The following DNAH17 variants were observed in gnomAD, a reference collection of about 807,000 sequenced individuals.
The protein encoded by DNAH17 is dynein axonemal heavy chain 17, also known as axonemal beta dynein heavy chain 17.
DNAH17 carries 376 observed loss-of-function variants against 485.6 expected under a neutral mutation model. The ratio of observed to expected loss-of-function variants is 0.77; its 90% CI spans 0.71 to 0.84. The LOEUF is 0.84. Among genes scored for constraint, DNAH17 ranks in the 40% least tolerant of loss-of-function variants. The pLI is 0.00. For synonymous variants in DNAH17, 3,031 were observed against 2,405.9 expected (o/e 1.26, Z -7.60); for missense variants, 6,370 against 5,839.3 (o/e 1.09, Z -2.96).
At chr17:78,509,255 C>T (rs866386588) in intron 27 of DNAH17, among the ~76,000 whole-genome samples, 11 of 151,208 alleles carry the variant, frequency 7.3e-5, no homozygotes, top group Middle Eastern at 6.8e-3. Context: ...CGTGAGCCAC[C>T]GTGCCCGGTC....
chr17:78,570,694 C>T (rs546414081), intron 6 of DNAH17, among the ~76,000 whole-genome samples: 39 of 151,646 alleles, frequency 2.6e-4, no homozygotes, highest in Non-Finnish European at 4.9e-4. Flanking sequence ...CCCATCTCTA[C>T]TAAAAATACA....
chr17:78,570,347 A>C lies in DNAH17; in HGVS notation c.944T>G (p.Leu315Arg), dbSNP rs1386284023. 1 of 1,610,672 alleles carries C rather than the reference A, an allele frequency of 6.2e-7. No homozygotes were observed. The part of the protein sequence containing the change: ...TMLPTFIAKV[L>R]DTICFIWATS... ...GGCCCAGATGAAGCAGATGGTGTCC[A>C]GCACCTTGGCAATGAAGGTGGGGAG... The change falls in exon 7 of 81, where the codon CTG becomes CGG. Residue 315 changes from leucine (L) to arginine (R), a missense_variant. Physicochemically the swap from Leu to Arg is moderately radical, Grantham distance 102. Transcript: ENST00000389840.
intron 24 of DNAH17, among the ~76,000 whole-genome samples, chr17:78,525,544 G>A (rs909557779): frequency 6.6e-6 from 1 of 152,240 alleles, no homozygotes; most frequent in African/African-American, 2.4e-5. Flanking sequence ...GATAAGCAAA[G>A]AGGAAAAATC....
At chr17:78,460,555 G>A (rs1568085179) in intron 58 of DNAH17, among the ~76,000 whole-genome samples, 1 of 152,230 alleles carries the variant, frequency 6.6e-6, no homozygotes, top group African/African-American at 2.4e-5. Context: ...TGCTGAATGT[G>A]CTCCTTTGCC....
chr17:78,478,009 C>CATT (rs1180244327), intron 51 of DNAH17, among the ~76,000 whole-genome samples: 2,035 of 133,954 alleles, frequency 0.015, 122 homozygotes, highest in African/African-American at 0.065. Context: ...CCATCATCAC[C>CATT]ATCATCACCA....
intron 3 of DNAH17, 137 bp downstream of exon 3, chr17:78,572,564 T>C (rs2092374582): frequency 1.2e-6 from 1 of 835,274 alleles, no homozygotes; most frequent in South Asian, 1.8e-5. Context: ...TGCCCTGCAT[T>C]TCCCCGGCTT....
intron 75 of DNAH17, among the ~76,000 whole-genome samples, chr17:78,429,959 G>A (rs2048754): frequency 0.65 from 99,341 of 152,072 alleles, 34,227 homozygotes; most frequent in East Asian, 0.91. Flanking sequence ...TAGGCTGCCC[G>A]GGCCTTAGGG....
At chr17:78,457,491 AAAT>A (rs1444263798) in intron 62 of DNAH17, among the ~76,000 whole-genome samples, 3 of 152,158 alleles carry the variant, frequency 2.0e-5, no homozygotes, top group African/African-American at 4.8e-5. Flanking sequence ...TTACGTGTTG[AAAT>A]AATATTTTGG....
At chr17:78,532,433 C>T (rs1466751531) in intron 20 of DNAH17, 49 bp downstream of exon 20, 6 of 1,558,654 alleles carry the variant, frequency 3.8e-6, no homozygotes, top group Non-Finnish European at 5.2e-6. Flanking sequence ...TGATCCTCTC[C>T]TGGAAGACTC....
chr17:78,502,525 C>T (rs1396557536), intron 33 of DNAH17, 66 bp downstream of exon 33: 24 of 1,434,540 alleles, frequency 1.7e-5, no homozygotes, highest in Middle Eastern at 3.5e-4. Flanking sequence ...GAAGGATACA[C>T]GGGCCCATGC....
intron 55 of DNAH17, among the ~76,000 whole-genome samples, chr17:78,468,048 G>C (rs1346470458): frequency 7.6e-6 from 1 of 131,566 alleles, no homozygotes; most frequent in Non-Finnish European, 1.6e-5. Flanking sequence ...GAGAGAGAGA[G>C]TATCAAGGTG....
Position 78,444,618 on chromosome 17 carries a change from C to A in DNAH17, c.11514G>T (p.Met3838Ile). The A allele has an allele frequency of 6.4e-7, 1 of 1,571,506 alleles. No homozygotes were observed. Among genetic ancestry groups the A allele is most frequent in the South Asian group, 1.2e-5 (1 of 85,744 alleles). ...GGGACACTCACTTGATAGCGTAGGT[C>A]ATGCGATCTGGCCGCAGGCAGCGCA... is the stretch of plus-strand genomic sequence containing the variant. ...CMVRCLRPDR[M>I]TYAIKNFVEE... The change falls in exon 71 of 81, where the codon ATG becomes ATT. Residue 3838 changes from methionine to isoleucine, a missense_variant. Met to Ile is a conservative substitution (Grantham distance 10). Coordinates refer to ENST00000389840, the MANE Select transcript of DNAH17 (RefSeq NM_173628.4).
intron 16 of DNAH17, among the ~76,000 whole-genome samples, chr17:78,550,943 A>T (rs761685208): frequency 5.9e-5 from 9 of 152,192 alleles, no homozygotes; most frequent in Non-Finnish European, 1.2e-4. Context: ...TCAGAGCCAG[A>T]TGCGGTGGCT....
At chr17:78,443,756 C>A (rs577777047) in intron 71 of DNAH17, among the ~76,000 whole-genome samples, 1 of 152,210 alleles carries the variant, frequency 6.6e-6, no homozygotes, top group Non-Finnish European at 1.5e-5. Context: ...CACTATGTTT[C>A]CCAGGCTGGT....
chr17:78,571,072 C>T (rs1033938134), intron 5 of DNAH17, 39 bp from the exon 6 acceptor site: 37 of 1,534,242 alleles, frequency 2.4e-5, no homozygotes, highest in Non-Finnish European at 3.3e-5. Flanking sequence ...GGTAAGAGAG[C>T]AGAAATTGCT....
intron 50 of DNAH17, 81 bp from the exon 51 acceptor site, chr17:78,479,197 A>G: frequency 7.2e-6 from 10 of 1,383,652 alleles, no homozygotes; most frequent in Admixed American, 2.0e-5. Flanking sequence ...TCTAAAGCCA[A>G]TGGACTACGA....
intron 54 of DNAH17, among the ~76,000 whole-genome samples, chr17:78,472,346 G>T (rs958405935): frequency 1.3e-5 from 2 of 151,488 alleles, no homozygotes; most frequent in Non-Finnish European, 2.9e-5. Context: ...GAGGATTAGG[G>T]TTAGGATTTG....
Position 78,491,486 on chromosome 17 carries a change from G to A in DNAH17, c.6626C>T (p.Pro2209Leu), listed in dbSNP as rs1183651326. ...TGTGTTGAGAGACTCGATCCACATGGGGTCTATGTCTCCGTCAAGGATGAT... is the reference window on the plus strand; with the variant it reads ...TGTGTTGAGAGACTCGATCCACATGAGGTCTATGTCTCCGTCAAGGATGAT... ...KWIILDGDID[P>L]MWIESLNTVM... is the part of the protein sequence containing the mutation. The change falls in exon 43 of 81, where the codon CCC becomes CTC. Residue 2209 changes from proline to leucine, a missense_variant. By Grantham distance (98) the Pro-to-Leu change is moderately conservative. Coordinates refer to ENST00000389840, the MANE Select transcript of DNAH17 (RefSeq NM_173628.4). 1 of 1,613,518 alleles carries A rather than the reference G, an allele frequency of 6.2e-7. No individual in the cohort carries two copies. The highest frequency in any genetic ancestry group is 2.2e-5 in the East Asian group (1 of 44,858).
chr17:78,496,581 A>T (rs1377176890), intron 37 of DNAH17: 1 of 151,114 alleles, frequency 6.6e-6, no homozygotes, highest in Admixed American at 6.6e-5. Context: ...GACCCCTGGC[A>T]ACCATGTCCT....
Sources: allele counts gnomAD v4.1 joint callset (sites outside exome capture counted in the v4.1 genomes callset), GRCh38; gene constraint gnomAD v4.1.1; transcripts MANE v1.5; gene names NCBI Gene and HGNC (gene_info 2026-07-23, HGNC 2026-07-21).